OTOA: variants seen among roughly 807,000 people sequenced by gnomAD.
OTOA encodes cancer/testis antigen 108.
Under a neutral mutation model 110.8 loss-of-function variants are expected in OTOA, and 70 were observed. The ratio of observed to expected loss-of-function variants is 0.63; its 90% CI spans 0.52 to 0.77. The LOEUF (loss-of-function observed/expected upper bound fraction) is 0.77, where lower values mean the gene tolerates loss of function less well. Ranked by LOEUF, OTOA falls within the 30% of genes least tolerant of loss-of-function variation. OTOA has a pLI of 0.00. For missense variants in OTOA, 917 were observed against 1,075.8 expected, an observed-to-expected ratio of 0.85 and a Z score of 2.06; for synonymous variants, 373 against 431.5, an observed-to-expected ratio of 0.86 and a Z score of 1.68.
chr16:21,692,934 AAAAAAAAAAAAG>A (rs1235571572), intron 9 of OTOA, among the ~76,000 whole-genome samples: 3 of 149,772 alleles, frequency 2.0e-5, no homozygotes, highest in Non-Finnish European at 3.0e-5. Flanking sequence ...TCTCAAAAAA[AAAAAAAAAAAAG>A]AAAGAAAGAA....
rs1177007399 is a variant in OTOA at position 21,722,164 on chromosome 16, A to T, written c.1807-741A>T. Among the ~76,000 whole-genome samples the T allele has an allele frequency of 2.0e-5, 3 of 151,068 alleles. No individual in the cohort carries two copies. In the East Asian group the frequency reaches 5.8e-4, roughly 29 times the overall value. On this transcript the variant is annotated intron_variant, in intron 17 of 28. Transcript: ENST00000646100. ...GTAATCCTAGCTACTCGGGAGGCTG[A>T]CGCAGGAGAACTGCTTGAACCTGGA...
intron 22 of OTOA, among the ~76,000 whole-genome samples, chr16:21,737,351 A>G (rs1281520943): frequency 6.6e-6 from 1 of 152,280 alleles, no homozygotes; most frequent in Non-Finnish European, 1.5e-5. Flanking sequence ...CAGCCTCCTG[A>G]CTAGCTGGGA....
chr16:21,715,978 T>C (rs1898541562), intron 14 of OTOA, among the ~76,000 whole-genome samples: 1 of 152,132 alleles, frequency 6.6e-6, no homozygotes, highest in South Asian at 2.1e-4. Flanking sequence ...GGCGTGATCT[T>C]GGTTCACTGC....
chr16:21,723,220 A>G (rs1898813492), intron 18 of OTOA, among the ~76,000 whole-genome samples: 1 of 152,168 alleles, frequency 6.6e-6, no homozygotes, highest in South Asian at 2.1e-4. Context: ...CCAAGCCTGA[A>G]TGAGTGTCAG....
chr16:21,699,483 A>G (rs966046006), intron 10 of OTOA, among the ~76,000 whole-genome samples: 2 of 152,056 alleles, frequency 1.3e-5, no homozygotes, highest in African/African-American at 4.8e-5. Flanking sequence ...AAAAAAATTT[A>G]AAAATTAGCC....
intron 8 of OTOA, among the ~76,000 whole-genome samples, chr16:21,688,217 G>A (rs185049148): frequency 7.9e-5 from 12 of 151,986 alleles, no homozygotes; most frequent in African/African-American, 2.4e-4. Context: ...ATGAAACCAC[G>A]TCTCTACTAA....
intron 10 of OTOA, among the ~76,000 whole-genome samples, chr16:21,700,108 G>A (rs1898022582): frequency 6.6e-6 from 1 of 152,018 alleles, no homozygotes; most frequent in East Asian, 1.9e-4. Context: ...AAAGGAACAA[G>A]AATGTTGGGA....
At chr16:21,719,718 T>C (rs568887310) in intron 17 of OTOA, among the ~76,000 whole-genome samples, 18 of 152,170 alleles carry the variant, frequency 1.2e-4, no homozygotes, top group Non-Finnish European at 2.1e-4. Context: ...AGATTGGTTA[T>C]TCCATACTCA....
Position 21,709,949 on chromosome 16 carries a change from C to A in OTOA, c.1166C>A (p.Ser389Tyr), listed in dbSNP as rs780487681. The change falls in exon 13 of 29, where the codon TCT becomes TAT. Residue 389 changes from serine (S) to tyrosine (Y), a missense_variant. By Grantham distance (144) the Ser-to-Tyr change is moderately radical (BLOSUM62 -2). Around this residue, in one of 6 missense-constraint regions of OTOA, gnomAD observed 840 missense variants for 910.2 expected, o/e 0.92. Coordinates refer to ENST00000646100, the MANE Select transcript of OTOA (RefSeq NM_144672.4). ...ENQTLNETLG[S>Y]LSDAVVGLTY... Reference sequence around the variant, plus strand: ...CAGACCCTCAATGAGACCCTGGGTTCTTTGTCGGATGCAGTTGTAGGTTTG... The same window carrying A: ...CAGACCCTCAATGAGACCCTGGGTTATTTGTCGGATGCAGTTGTAGGTTTG... The A allele has an allele frequency of 6.2e-7, 1 of 1,613,970 alleles. No homozygotes were observed. Among genetic ancestry groups the A allele is most frequent in the Non-Finnish European group, 8.5e-7 (1 of 1,179,946 alleles).
At chr16:21,676,532 C>T (rs1049347120) in intron 1 of OTOA, among the ~76,000 whole-genome samples, 1 of 152,084 alleles carries the variant, frequency 6.6e-6, no homozygotes, top group Non-Finnish European at 1.5e-5. Flanking sequence ...GGAGGTTTTT[C>T]CATTGCAGCT....
Position 21,697,891 on chromosome 16 carries a change from A to T in OTOA, c.840+16A>T, listed in dbSNP as rs746382526. On this transcript the variant is annotated intron_variant, in intron 10 of 28. Coordinates refer to ENST00000646100, the MANE Select transcript of OTOA (RefSeq NM_144672.4). ...TCCTATAGAAGTAAGTTGGAAAAGT[A>T]CATTTATATGTCACCATTACTAATA... 2.1e-5 allele frequency: 34 copies of T among 1,586,152 alleles called. 1 individual carries two copies. The highest frequency in any genetic ancestry group is 2.9e-5 in the Non-Finnish European group (33 of 1,154,650).
At position 21,681,790 on chromosome 16, in the gene OTOA, T is replaced by C. The variant is rs995856279; in HGVS notation, c.232T>C (p.Ser78Pro). ...CCACAGAGTCCTGGCCTATCTGAAT[T>C]CCCGGAATGTTGCCTTCACCATCCC... is the stretch of plus-strand genomic sequence containing the variant. ...LSHRVLAYLNSRNVAFTIPSL... is the reference protein window; with the variant it reads ...LSHRVLAYLNPRNVAFTIPSL... Residue 78 changes from serine (S) to proline (P), a missense_variant, in exon 6 of 29, where the codon TCC becomes CCC. Physicochemically the swap from Ser to Pro is moderately conservative, Grantham distance 74 (BLOSUM62 -1). This residue lies in a region of OTOA where 840 missense variants were observed against 910.2 expected (regional missense o/e 0.92). Coordinates refer to ENST00000646100, the MANE Select transcript of OTOA (RefSeq NM_144672.4). 1.2e-6 allele frequency: 2 copies of C among 1,614,028 alleles called. No homozygotes were observed. The highest frequency in any genetic ancestry group is 1.7e-6 in the Non-Finnish European group (2 of 1,179,988).
chr16:21,712,682 T>TAA (rs370244136), intron 13 of OTOA, among the ~76,000 whole-genome samples: 31 of 145,256 alleles, frequency 2.1e-4, no homozygotes, highest in Non-Finnish European at 3.0e-4. Context: ...CTACTAAAAA[T>TAA]AAAAAAAAAA....
intron 11 of OTOA, among the ~76,000 whole-genome samples, chr16:21,703,320 T>C (rs1404784838): frequency 1.3e-5 from 2 of 152,282 alleles, no homozygotes; most frequent in East Asian, 3.9e-4. Flanking sequence ...TCCATGAGTA[T>C]GACGTTTGTT....
At chr16:21,705,144 C>A (rs761245711) in intron 11 of OTOA, 25 bp from the exon 12 acceptor site, 1 of 1,614,162 alleles carries the variant, frequency 6.2e-7, no homozygotes, top group Non-Finnish European at 8.5e-7. Flanking sequence ...ACACCTCCAC[C>A]ACCATCCCTC....
At chr16:21,673,982 A>G (rs1346607824) in intron 1 of OTOA, among the ~76,000 whole-genome samples, 1 of 151,890 alleles carries the variant, frequency 6.6e-6, no homozygotes, top group Non-Finnish European at 1.5e-5. Flanking sequence ...TATTTTTAGT[A>G]GAGATGGGGT....
chr16:21,697,772 T>C lies in OTOA; in HGVS notation c.740-3T>C, dbSNP rs1897973070. ...CATTTATTCATTTCTTTATTTTTTG[T>C]AGATGACTCTGCTTCATGGGTCAGT... is the stretch of plus-strand genomic sequence containing the variant. On this transcript the variant is annotated splice_polypyrimidine_tract_variant and splice_region_variant and intron_variant, in intron 9 of 28. Coordinates refer to ENST00000646100, the MANE Select transcript of OTOA (RefSeq NM_144672.4). The C allele has an allele frequency of 1.2e-6, 2 of 1,613,536 alleles. No homozygotes were observed. The highest frequency in any genetic ancestry group is 1.7e-5 in the Admixed American group (1 of 60,006).
intron 1 of OTOA, among the ~76,000 whole-genome samples, chr16:21,666,542 G>C (rs1278896048): frequency 6.6e-6 from 1 of 152,102 alleles, no homozygotes; most frequent in Non-Finnish European, 1.5e-5. Flanking sequence ...GAAACCTTTT[G>C]GTCCCGGGCA....
chr16:21,733,436 T>A (rs976286021), intron 21 of OTOA, among the ~76,000 whole-genome samples: 3 of 152,142 alleles, frequency 2.0e-5, no homozygotes, highest in Non-Finnish European at 4.4e-5. Flanking sequence ...TGGCTCTGGG[T>A]GTCCCAGGTG....
Sources: allele counts gnomAD v4.1 joint callset (sites outside exome capture counted in the v4.1 genomes callset), GRCh38; gene constraint gnomAD v4.1.1; regional missense constraint gnomAD v4.1.1; transcripts MANE v1.5; gene names NCBI Gene and HGNC (gene_info 2026-07-23, HGNC 2026-07-21).